The following WDR62 variants were observed in gnomAD, a reference collection of about 807,000 sequenced individuals.
WDR62 encodes WD repeat-containing protein 62.
Under a neutral mutation model 160.6 loss-of-function variants are expected in WDR62, and 112 were observed. The ratio of observed to expected loss-of-function variants is 0.70; its 90% CI spans 0.60 to 0.82. The LOEUF is 0.82. Ranked by LOEUF, WDR62 falls within the 40% of genes least tolerant of loss-of-function variation. The pLI is 0.00. For synonymous variants in WDR62, 792 were observed against 815.1 expected, an observed-to-expected ratio of 0.97 and a Z score of 0.48; for missense variants, 1,819 against 1,983.8, an observed-to-expected ratio of 0.92 and a Z score of 1.58.
At chr19:36,064,969 G>A (rs1008111137) in intron 3 of WDR62, among the ~76,000 whole-genome samples, 3 of 152,176 alleles carry the variant, frequency 2.0e-5, no homozygotes, top group Non-Finnish European at 2.9e-5. Flanking sequence ...TCTGGCTGTC[G>A]TGTGCGTATT....
chr19:36,063,937 G>A (rs749306442), intron 3 of WDR62, among the ~76,000 whole-genome samples: 3 of 152,218 alleles, frequency 2.0e-5, no homozygotes, highest in Admixed American at 6.5e-5. Context: ...GTACAGCCAG[G>A]ACTGAGAACT....
intron 20 of WDR62, among the ~76,000 whole-genome samples, chr19:36,094,971 T>C (rs1173901250): frequency 6.6e-6 from 1 of 151,934 alleles, no homozygotes; most frequent in African/African-American, 2.4e-5. Context: ...TTCCATGTTA[T>C]AATGAGCTAT....
At chr19:36,081,793 G>A (rs1425568318) in intron 10 of WDR62, 2 of 678,450 alleles carry the variant, frequency 2.9e-6, no homozygotes, top group African/African-American at 3.5e-5. Context: ...TTCTTTGCCA[G>A]TTGGCTCCTG....
At chr19:36,108,482 A>G (rs1317152715), downstream of WDR62, among the ~76,000 whole-genome samples, 1 of 150,452 alleles carries the variant, frequency 6.6e-6, no homozygotes, top group South Asian at 2.1e-4. Context: ...AGGAAAGCCA[A>G]CAATTGCAAA....
intron 8 of WDR62, 86 bp from the exon 9 acceptor site, chr19:36,073,256 C>A (rs900173755): frequency 1.7e-5 from 22 of 1,304,062 alleles, no homozygotes; most frequent in Middle Eastern, 4.1e-4. Context: ...ATGGCATTGC[C>A]GGGGAGGCAT....
chr19:36,058,673 T>G (rs905324608), intron 1 of WDR62, 107 bp from the exon 2 acceptor site: 1 of 812,508 alleles, frequency 1.2e-6, no homozygotes, highest in African/African-American at 1.7e-5. Flanking sequence ...CCACAGAAGC[T>G]CAGTGTGGGT....
intron 3 of WDR62, among the ~76,000 whole-genome samples, chr19:36,064,568 C>T (rs8113723): frequency 2.0e-5 from 3 of 151,842 alleles, no homozygotes; most frequent in South Asian, 2.1e-4. Flanking sequence ...CGTGAGCCAC[C>T]GCGCCCAGCC....
intron 22 of WDR62, among the ~76,000 whole-genome samples, 185 bp downstream of exon 22, chr19:36,099,802 A>G (rs1973217704): frequency 6.6e-6 from 1 of 152,234 alleles, no homozygotes; most frequent in African/African-American, 2.4e-5. Flanking sequence ...GAGTCTTTGG[A>G]AAGTGGGTCA....
chr19:36,096,864 T>C (rs1256487482), intron 20 of WDR62, among the ~76,000 whole-genome samples, 163 bp from the exon 21 acceptor site: 1 of 152,244 alleles, frequency 6.6e-6, no homozygotes, highest in Non-Finnish European at 1.5e-5. Flanking sequence ...GTGAGTCAAA[T>C]ATCGCATCCC....
chr19:36,067,881 C>T lies in WDR62; in HGVS notation c.753C>T (p.His251=), dbSNP rs367987733. 27 of 1,614,092 alleles carry T rather than the reference C, an allele frequency of 1.7e-5. No homozygotes were observed. Among genetic ancestry groups the T allele is most frequent in the Non-Finnish European group, 2.1e-5 (25 of 1,180,044 alleles). Residue 251 remains histidine, a synonymous_variant, in exon 7 of 32, where the codon CAC becomes CAT. Transcript: ENST00000401500. The stretch of plus-strand genomic sequence containing the variant: ...GCTCGGGCATCCTGGGCGAGCTGCA[C>T]AACAACATCTTCTGTGGTGTGGCCT... ...VGRSGILGEL[H]NNIFCGVACG... is the part of the protein sequence containing the mutation.
rs927197625 is a variant in WDR62, at chr19:36,067,891, T to A, written c.763T>A (p.Phe255Ile). 7 of 1,614,042 alleles carry A rather than the reference T, an allele frequency of 4.3e-6. No homozygotes were observed. The African/African-American group carries it at 8.0e-5, about 18-fold the overall frequency. ...CCTGGGCGAGCTGCACAACAACATC[T>A]TCTGTGGTGTGGCCTGCGGTCGGGG... ...GILGELHNNI[F>I]CGVACGRGRM... Residue 255 changes from phenylalanine (F) to isoleucine (I), a missense_variant, in exon 7 of 32, where the codon TTC becomes ATC. Around this residue, in one of 3 missense-constraint regions of WDR62, gnomAD observed 934 missense variants for 1,157.2 expected, o/e 0.81. Transcript: ENST00000401500.
In WDR62 at chr19:36,083,106, T is replaced by C; in HGVS notation, c.1415T>C (p.Leu472Pro). The C allele has an allele frequency of 6.2e-7, 1 of 1,613,662 alleles. No individual in the cohort carries two copies. Among genetic ancestry groups the C allele is most frequent in the East Asian group, 2.2e-5 (1 of 44,880 alleles). Residue 472 changes from leucine to proline, a missense_variant, in exon 11 of 32, where the codon CTG becomes CCG. Leu to Pro is a moderately conservative substitution (Grantham distance 98, BLOSUM62 -3). Coordinates refer to ENST00000401500, the MANE Select transcript of WDR62 (RefSeq NM_001083961.2). ...TACGTGGAGAATGACATCCAGCACC[T>C]GCAGGACATGTCACACTTCCCAGAC... The part of the protein sequence containing the change: ...VVYVENDIQH[L>P]QDMSHFPDRG...
chr19:36,090,658 G>T, intron 16 of WDR62, 138 bp downstream of exon 16: 1 of 814,648 alleles, frequency 1.2e-6, no homozygotes. Context: ...GGTTAAACAA[G>T]GATGCTTGCG....
chr19:36,077,943 C>T (rs61704180), intron 9 of WDR62, among the ~76,000 whole-genome samples: 4,437 of 152,118 alleles, frequency 0.029, 214 homozygotes, highest in African/African-American at 0.1. Context: ...GCTTTTGTGC[C>T]TGGCTTTCAC....
At chr19:36,099,752 C>T (rs911422604) in intron 22 of WDR62, 135 bp downstream of exon 22, 17 of 903,066 alleles carry the variant, frequency 1.9e-5, no homozygotes, top group African/African-American at 1.2e-4. Flanking sequence ...AGGGTGAGCC[C>T]CAGGTCTGTT....
chr19:36,084,266 G>A (rs1972072301), intron 11 of WDR62, among the ~76,000 whole-genome samples: 1 of 152,114 alleles, frequency 6.6e-6, no homozygotes, highest in Non-Finnish European at 1.5e-5. Context: ...TGAGAGACTG[G>A]AATCAAATGT....
At chr19:36,072,367 C>T (rs936337063) in intron 8 of WDR62, among the ~76,000 whole-genome samples, 7 of 152,102 alleles carry the variant, frequency 4.6e-5, no homozygotes, top group Middle Eastern at 3.4e-3. Context: ...CCAGTGTGTC[C>T]GGGGAGGATG....
At chr19:36,081,681 G>C in intron 10 of WDR62, 111 bp downstream of exon 10, 1 of 1,498,116 alleles carries the variant, frequency 6.7e-7, no homozygotes, top group Non-Finnish European at 9.2e-7. Flanking sequence ...GGTTCCATGA[G>C]GGCAAGAGCC....
At chr19:36,062,139 G>T (rs1477660381) in intron 3 of WDR62, 1 of 152,078 alleles carries the variant, frequency 6.6e-6, no homozygotes, top group East Asian at 1.9e-4. Flanking sequence ...TGGAGACGGG[G>T]TTCATCATGT....
Sources: allele counts gnomAD v4.1 joint callset (sites outside exome capture counted in the v4.1 genomes callset), GRCh38; gene constraint gnomAD v4.1.1; regional missense constraint gnomAD v4.1.1; transcripts MANE v1.5; gene names NCBI Gene and HGNC (gene_info 2026-07-23, HGNC 2026-07-21).